Variants in SEPSECS observed in about 807,000 individuals in gnomAD.
SEPSECS encodes the protein O-phosphoseryl-tRNA(Sec) selenium transferase.
SEPSECS carries 42 observed loss-of-function variants against 52.1 expected under a neutral mutation model. The ratio of observed to expected loss-of-function variants is 0.81; its 90% CI spans 0.63 to 1.04. The LOEUF (loss-of-function observed/expected upper bound fraction) is 1.04, where lower values mean the gene tolerates loss of function less well. SEPSECS is among the 50% of genes least tolerant of loss of function. The pLI is 0.00. For synonymous variants in SEPSECS, 216 were observed against 211.4 expected (o/e 1.02, Z -0.19); for missense variants, 590 against 610.6 (o/e 0.97, Z 0.36).
At chr4:25,151,697 G>C (rs555797825) in intron 6 of SEPSECS, among the ~76,000 whole-genome samples, 1 of 152,114 alleles carries the variant, frequency 6.6e-6, no homozygotes, top group Non-Finnish European at 1.5e-5. Flanking sequence ...TAATGAAACA[G>C]TCTCAGAAAG....
chr4:25,139,818 G>A (rs1277262831), intron 8 of SEPSECS, among the ~76,000 whole-genome samples: 2 of 152,030 alleles, frequency 1.3e-5, no homozygotes, highest in Non-Finnish European at 2.9e-5. Flanking sequence ...AATGAATGTT[G>A]GAAACATTGT....
chr4:25,147,638 A>T (rs1395180736), intron 6 of SEPSECS, among the ~76,000 whole-genome samples: 1 of 152,208 alleles, frequency 6.6e-6, no homozygotes, highest in Non-Finnish European at 1.5e-5. Flanking sequence ...TCGTCATTTT[A>T]GTAAATATAA....
chr4:25,120,283 C>T lies in SEPSECS; in HGVS notation c.*3648G>A, dbSNP rs1728066419. On this transcript the variant is annotated 3_prime_UTR_variant, in exon 11 of 11. Coordinates refer to ENST00000382103, the MANE Select transcript of SEPSECS (RefSeq NM_016955.4). ...ATTTTGCCTAAGGCCTTAGCTTTAA[C>T]TGCAGAGTAGTGAGTAGGAAATTAC... 1 of 152,122 alleles carries T rather than the reference C, an allele frequency of 6.6e-6. No homozygotes were observed. The highest frequency in any genetic ancestry group is 6.6e-5 in the Admixed American group (1 of 15,262). 9.4% of individuals were successfully genotyped at this position (152,122 alleles called of 1,614,324 possible).
At chr4:25,133,106 C>T (rs925101168) in intron 8 of SEPSECS, among the ~76,000 whole-genome samples, 1 of 152,066 alleles carries the variant, frequency 6.6e-6, no homozygotes, top group Non-Finnish European at 1.5e-5. Context: ...GTTAGCTCCC[C>T]ACCCACCTAT....
intron 8 of SEPSECS, among the ~76,000 whole-genome samples, chr4:25,132,079 A>G (rs985128107): frequency 3.9e-5 from 6 of 152,210 alleles, no homozygotes; most frequent in Non-Finnish European, 7.3e-5. Flanking sequence ...AAGAGGCTCA[A>G]TTCACACACA....
At chr4:25,150,930 G>A (rs186375263) in intron 6 of SEPSECS, among the ~76,000 whole-genome samples, 7 of 152,138 alleles carry the variant, frequency 4.6e-5, no homozygotes, top group East Asian at 3.9e-4. Context: ...TCACTTGAGC[G>A]TGGGAAGTTG....
At chr4:25,130,021 A>C (rs1338298090) in intron 8 of SEPSECS, among the ~76,000 whole-genome samples, 1 of 152,238 alleles carries the variant, frequency 6.6e-6, no homozygotes, top group Non-Finnish European at 1.5e-5. Flanking sequence ...TCCCATAGGC[A>C]GAAACAAATC....
At chr4:25,144,042 A>G (rs1711784481) in intron 8 of SEPSECS, among the ~76,000 whole-genome samples, 1 of 152,124 alleles carries the variant, frequency 6.6e-6, no homozygotes. Flanking sequence ...TTCAGCGTTC[A>G]ATAATGACAA....
chr4:25,160,525 G>T (rs1004780931), upstream of SEPSECS: 11 of 635,208 alleles, frequency 1.7e-5, no homozygotes, highest in Non-Finnish European at 3.0e-5. Context: ...AACACTTCTC[G>T]TTCGTGCACA....
At chr4:25,152,083 TAGAA>T in intron 5 of SEPSECS, 21 bp from the exon 6 acceptor site, 1 of 1,278,670 alleles carries the variant, frequency 7.8e-7, no homozygotes, top group East Asian at 2.3e-5. Flanking sequence ...AAATATTCAA[TAGAA>T]AGACATACTC....
At chr4:25,160,492 A>G (rs1713014470), upstream of SEPSECS, 1 of 706,048 alleles carries the variant, frequency 1.4e-6, no homozygotes, top group Non-Finnish European at 2.4e-6. Flanking sequence ...AAAAAACAAA[A>G]CAAAACAAAA....
At chr4:25,157,620 T>C (rs1042772168) in intron 2 of SEPSECS, among the ~76,000 whole-genome samples, 19 of 151,528 alleles carry the variant, frequency 1.3e-4, no homozygotes, top group South Asian at 8.4e-4. Flanking sequence ...TCTCGGCTCA[T>C]TGCAAGCTCC....
chr4:25,148,147 T>A (rs926016143), intron 6 of SEPSECS, among the ~76,000 whole-genome samples: 2 of 151,892 alleles, frequency 1.3e-5, no homozygotes, highest in African/African-American at 4.8e-5. Flanking sequence ...GGTCAGGAGA[T>A]TGAGACCACC....
intron 1 of SEPSECS, 117 bp downstream of exon 1, chr4:25,160,139 C>A: frequency 1.3e-6 from 2 of 1,508,068 alleles, no homozygotes; most frequent in Admixed American, 2.2e-5. Flanking sequence ...CTGAGACAGA[C>A]TTGGGACTAG....
chr4:25,124,478 T>C (rs1728280044), intron 10 of SEPSECS, among the ~76,000 whole-genome samples: 1 of 152,176 alleles, frequency 6.6e-6, no homozygotes, highest in Non-Finnish European at 1.5e-5. Context: ...CTATAAGCTC[T>C]AGGAATCTCT....
intron 3 of SEPSECS, 50 bp from the exon 4 acceptor site, chr4:25,156,245 C>A: frequency 6.6e-7 from 1 of 1,507,342 alleles, no homozygotes; most frequent in Non-Finnish European, 9.2e-7. Context: ...AAGCACCCAG[C>A]ATCCTTCTTG....
intron 3 of SEPSECS, 83 bp from the exon 4 acceptor site, chr4:25,156,278 TA>T: frequency 7.8e-7 from 1 of 1,275,082 alleles, no homozygotes; most frequent in East Asian, 2.5e-5. Flanking sequence ...ATTTCATATA[TA>T]AAATAGTAAG....
At chr4:25,142,493 TTATC>T (rs1216275165) in intron 8 of SEPSECS, among the ~76,000 whole-genome samples, 5 of 152,242 alleles carry the variant, frequency 3.3e-5, no homozygotes, top group African/African-American at 1.2e-4. Context: ...GCAAGTATCT[TTATC>T]TACTGTATTG....
chr4:25,149,945 C>G (rs1712202436), intron 6 of SEPSECS, among the ~76,000 whole-genome samples: 1 of 152,168 alleles, frequency 6.6e-6, no homozygotes, highest in Non-Finnish European at 1.5e-5. Context: ...TGCCTACAAC[C>G]CACTCCACCT....
Sources: gnomAD v4.1 joint callset for allele counts (sites outside exome capture counted in the v4.1 genomes callset) on GRCh38, gnomAD v4.1.1 for gene constraint, MANE v1.5 for transcripts, NCBI Gene and HGNC (gene_info 2026-07-23, HGNC 2026-07-21) for gene names.